The following GRIK3 variants were observed in gnomAD, a reference collection of about 807,000 sequenced individuals.
GRIK3 encodes glutamate receptor ionotropic, kainate 3.
In GRIK3, 29 loss-of-function variants were observed where a neutral mutation model predicts 102.5. That is an observed-to-expected ratio of 0.28 (90% confidence interval 0.21 to 0.39). The LOEUF (loss-of-function observed/expected upper bound fraction) is 0.39. GRIK3 is among the 10% of genes least tolerant of loss of function. The pLI is 1.00. For missense variants in GRIK3, 908 were observed against 1,252.4 expected (o/e 0.73, Z 4.15); for synonymous variants, 511 against 504.9 (o/e 1.01, Z -0.16).
At chr1:36,831,881 G>A (rs368559785) in intron 10 of GRIK3, among the ~76,000 whole-genome samples, 4 of 152,134 alleles carry the variant, frequency 2.6e-5, no homozygotes, top group African/African-American at 9.7e-5. Flanking sequence ...CTTCCTCCCA[G>A]GCTTTCTGCA....
At chr1:36,844,981 C>T (rs566036130) in intron 9 of GRIK3, among the ~76,000 whole-genome samples, 1 of 152,306 alleles carries the variant, frequency 6.6e-6, no homozygotes, top group East Asian at 1.9e-4. Flanking sequence ...GTGAAGCCAC[C>T]ACAGCCCCAG....
chr1:36,833,666 A>G (rs994788984), intron 10 of GRIK3, among the ~76,000 whole-genome samples: 13 of 152,204 alleles, frequency 8.5e-5, no homozygotes, highest in Non-Finnish European at 1.8e-4. Flanking sequence ...AGTTGGGAGG[A>G]AGATGAGACA....
At chr1:37,025,478 C>T (rs898700126) in intron 1 of GRIK3, among the ~76,000 whole-genome samples, 2 of 152,194 alleles carry the variant, frequency 1.3e-5, no homozygotes, top group Admixed American at 6.5e-5. Context: ...CCTAGAATGA[C>T]CCCCGGGGTC....
rs150490585 is a variant in GRIK3 at position 36,817,533 on chromosome 1, T to C, written c.1874-256A>G. On this transcript the variant is annotated intron_variant, in intron 12 of 15. Coordinates refer to ENST00000373091, the MANE Select transcript of GRIK3 (RefSeq NM_000831.4). ...GAGGGTGGGAACCAGCAATATGTTT[T>C]GAGTAAGCTCTCCAGATGATTCTGA... is the stretch of plus-strand genomic sequence containing the variant. Among the ~76,000 whole-genome samples, 515 of 152,346 alleles carry C rather than the reference T, an allele frequency of 3.4e-3. 3 individuals are homozygous for C. The highest frequency in any genetic ancestry group is 0.012 in the African/African-American group (483 of 41,586).
chr1:36,909,583 G>C (rs1199416498), intron 1 of GRIK3, among the ~76,000 whole-genome samples: 1 of 152,184 alleles, frequency 6.6e-6, no homozygotes, highest in Admixed American at 6.5e-5. Flanking sequence ...TGACAGGTGT[G>C]AGCCACTGCG....
At chr1:36,827,078 G>A (rs1642763464) in intron 10 of GRIK3, among the ~76,000 whole-genome samples, 2 of 152,102 alleles carry the variant, frequency 1.3e-5, no homozygotes. Flanking sequence ...GCCTCTTCCA[G>A]AAACCCTCCC....
chr1:36,835,108 G>A (rs1294817180), intron 10 of GRIK3, among the ~76,000 whole-genome samples: 1 of 152,158 alleles, frequency 6.6e-6, no homozygotes, highest in East Asian at 1.9e-4. Context: ...TGTCTGCCTG[G>A]GTCACCCTCA....
intron 1 of GRIK3, among the ~76,000 whole-genome samples, chr1:36,903,831 TA>T (rs1366226253): frequency 2.0e-5 from 3 of 152,192 alleles, no homozygotes; most frequent in Admixed American, 1.3e-4. Context: ...GATGCATTGG[TA>T]AAAACACAGA....
At chr1:36,829,722 A>T (rs1170642448) in intron 10 of GRIK3, among the ~76,000 whole-genome samples, 1 of 152,044 alleles carries the variant, frequency 6.6e-6, no homozygotes, top group African/African-American at 2.4e-5. Context: ...TCCTTGCATG[A>T]GGTCACCTGG....
intron 1 of GRIK3, among the ~76,000 whole-genome samples, chr1:36,907,247 C>T (rs1221430507): frequency 6.6e-6 from 1 of 152,040 alleles, no homozygotes; most frequent in African/African-American, 2.4e-5. Context: ...GAAACAAAGA[C>T]AGGATGCTGG....
chr1:36,902,454 A>C (rs753801913), intron 1 of GRIK3, among the ~76,000 whole-genome samples: 4 of 152,234 alleles, frequency 2.6e-5, no homozygotes, highest in Non-Finnish European at 5.9e-5. Context: ...GATCTTTGAC[A>C]AGGGAGCAAA....
intron 10 of GRIK3, among the ~76,000 whole-genome samples, chr1:36,841,514 C>T (rs1001212492): frequency 3.9e-5 from 6 of 152,188 alleles, no homozygotes; most frequent in East Asian, 1.9e-4. Flanking sequence ...TGTGTGTGTA[C>T]GGAGGAGAAT....
At chr1:36,936,585 C>T (rs564565179) in intron 1 of GRIK3, among the ~76,000 whole-genome samples, 1 of 152,284 alleles carries the variant, frequency 6.6e-6, no homozygotes, top group South Asian at 2.1e-4. Flanking sequence ...CTGCCCCTGA[C>T]CCACCCCATT....
chr1:37,017,357 G>C (rs1642662678), intron 1 of GRIK3, among the ~76,000 whole-genome samples: 1 of 105,548 alleles, frequency 9.5e-6, no homozygotes, highest in African/African-American at 3.9e-5. Flanking sequence ...AACATAGTGA[G>C]ACCCTGTCTC....
At chr1:36,876,822 G>T (rs1046733700) in intron 3 of GRIK3, among the ~76,000 whole-genome samples, 2 of 152,142 alleles carry the variant, frequency 1.3e-5, no homozygotes, top group Non-Finnish European at 2.9e-5. Context: ...AGTGCTCATT[G>T]TCTTCTTGAT....
intron 1 of GRIK3, among the ~76,000 whole-genome samples, chr1:36,980,565 GC>G (rs1314806916): frequency 4.0e-5 from 6 of 151,518 alleles, no homozygotes; most frequent in Non-Finnish European, 7.4e-5. Flanking sequence ...CTCAGGGACC[GC>G]CCCCCACCCC....
intron 5 of GRIK3, among the ~76,000 whole-genome samples, chr1:36,863,531 G>A (rs764917767): frequency 3.3e-5 from 5 of 151,898 alleles, no homozygotes; most frequent in Admixed American, 6.6e-5. Flanking sequence ...TCCCAGTCTC[G>A]CTGGCCCCTG....
chr1:37,025,084 T>C (rs1336672596), intron 1 of GRIK3, among the ~76,000 whole-genome samples: 6 of 152,152 alleles, frequency 3.9e-5, no homozygotes, highest in Non-Finnish European at 7.4e-5. Flanking sequence ...CCCAGTTATA[T>C]TGCCCTCCTA....
At chr1:36,878,034 T>C (rs1640928392) in intron 3 of GRIK3, among the ~76,000 whole-genome samples, 1 of 152,208 alleles carries the variant, frequency 6.6e-6, no homozygotes, top group African/African-American at 2.4e-5. Context: ...TTAATTAGGG[T>C]TTAATTCAAC....
Sources: gnomAD v4.1 joint callset for allele counts (sites outside exome capture counted in the v4.1 genomes callset) on GRCh38, gnomAD v4.1.1 for gene constraint, MANE v1.5 for transcripts, NCBI Gene and HGNC (gene_info 2026-07-23, HGNC 2026-07-21) for gene names.